PLCH1: variants seen among roughly 807,000 people sequenced by gnomAD.
The protein encoded by PLCH1 is 1-phosphatidylinositol 4,5-bisphosphate phosphodiesterase eta-1.
In PLCH1, 60 loss-of-function variants were observed where a neutral mutation model predicts 126.7. The ratio of observed to expected loss-of-function variants is 0.47; its 90% CI spans 0.38 to 0.59. The LOEUF (loss-of-function observed/expected upper bound fraction) is 0.59, where lower values mean the gene tolerates loss of function less well. PLCH1 is among the 20% of genes least tolerant of loss of function. The pLI is 0.00. For missense variants in PLCH1, 1,723 were observed against 2,040.0 expected (o/e 0.84, Z 2.99); for synonymous variants, 719 against 734.9 (o/e 0.98, Z 0.35).
intron 6 of PLCH1, among the ~76,000 whole-genome samples, chr3:155,576,483 G>A (rs533771465): frequency 1.3e-5 from 2 of 152,250 alleles, no homozygotes; most frequent in South Asian, 4.1e-4. Context: ...ACCTGTCAAA[G>A]GCATAAATTC....
chr3:155,506,427 G>T (rs1222456780), intron 12 of PLCH1, among the ~76,000 whole-genome samples: 3 of 144,328 alleles, frequency 2.1e-5, no homozygotes, highest in African/African-American at 2.6e-5. Context: ...ATGTATACAT[G>T]TGCCATGCTG....
intron 6 of PLCH1, among the ~76,000 whole-genome samples, chr3:155,572,543 C>T (rs1222461529): frequency 1.3e-5 from 2 of 152,098 alleles, no homozygotes; most frequent in South Asian, 2.1e-4. Flanking sequence ...GGTTGGCCCT[C>T]GTTTGGGTTT....
At chr3:155,626,638 G>A (rs1211861997) in intron 2 of PLCH1, among the ~76,000 whole-genome samples, 1 of 151,590 alleles carries the variant, frequency 6.6e-6, no homozygotes, top group Admixed American at 6.6e-5. Flanking sequence ...GCGTGGTGGT[G>A]GGCGCCTGTA....
At chr3:155,729,178 A>G (rs576944487) in intron 1 of PLCH1, among the ~76,000 whole-genome samples, 18 of 152,300 alleles carry the variant, frequency 1.2e-4, no homozygotes, top group East Asian at 1.2e-3. Context: ...AGTCTCCCCA[A>G]TTCATCTTAT....
chr3:155,461,283 G>A (rs751305430), intron 21 of PLCH1, among the ~76,000 whole-genome samples: 24 of 152,026 alleles, frequency 1.6e-4, no homozygotes, highest in Non-Finnish European at 3.4e-4. Flanking sequence ...TAATGATTAA[G>A]GGGCCTGCAA....
chr3:155,742,516 G>A (rs1201151266), intron 1 of PLCH1: 1 of 151,938 alleles, frequency 6.6e-6, no homozygotes, highest in Non-Finnish European at 1.5e-5. Context: ...GCCTCCCCCA[G>A]GTACTCCCAG....
In PLCH1 at chr3:155,506,345, CTTTTTTTT is replaced by C. The variant is rs57746252; in HGVS notation, c.1633-1727_1633-1720del. ...ACATTTTCTATCCCATTCTCACTCT[CTTTTTTTT>C]TTTTTTTTTTTATTATACTTTAAGT... is the stretch of plus-strand genomic sequence containing the variant. On this transcript the variant is annotated intron_variant, in intron 12 of 22. Transcript: ENST00000460012. Among the ~76,000 whole-genome samples, 19 of 130,680 alleles carry C rather than the reference CTTTTTTTT, an allele frequency of 1.5e-4. 1 individual carries two copies. Among genetic ancestry groups the C allele is most frequent in the African/African-American group, 5.3e-4 (18 of 34,112 alleles). The allele number at this position is 130,680 out of a possible 152,430, so 85.7% of individuals were successfully genotyped here. A position where few individuals can be genotyped will look rare whatever the true frequency, so the allele number is the denominator to read the frequency against.
intron 6 of PLCH1, among the ~76,000 whole-genome samples, chr3:155,571,112 T>A (rs1184015133): frequency 6.6e-6 from 1 of 152,150 alleles, no homozygotes; most frequent in Non-Finnish European, 1.5e-5. Context: ...TTCCTGTAAG[T>A]TTTTTAGCAA....
chr3:155,666,832 A>G (rs537320320), intron 2 of PLCH1, among the ~76,000 whole-genome samples: 2 of 152,112 alleles, frequency 1.3e-5, no homozygotes, highest in African/African-American at 4.8e-5. Context: ...GAAAAAATAT[A>G]AGTAGAAAAC....
intron 2 of PLCH1, among the ~76,000 whole-genome samples, chr3:155,608,544 GA>G (rs1734649962): frequency 6.6e-6 from 1 of 152,080 alleles, no homozygotes; most frequent in Admixed American, 6.6e-5. Flanking sequence ...CACTTCCCTA[GA>G]AACCAGCTCA....
intron 4 of PLCH1, among the ~76,000 whole-genome samples, chr3:155,588,059 C>T (rs359559): frequency 1.0e-3 from 157 of 152,030 alleles, no homozygotes; most frequent in Non-Finnish European, 1.9e-3. Context: ...CATTTCTATG[C>T]GATTCAAATT....
At chr3:155,486,522 T>TG (rs1338415683) in intron 21 of PLCH1, among the ~76,000 whole-genome samples, 7 of 145,630 alleles carry the variant, frequency 4.8e-5, no homozygotes, top group Non-Finnish European at 7.5e-5. Context: ...TGTTTTTTTT[T>TG]TTTTTTTTTT....
At chr3:155,594,301 G>A (rs895779835) in intron 3 of PLCH1, 117 bp from the exon 4 acceptor site, 11 of 970,110 alleles carry the variant, frequency 1.1e-5, no homozygotes, top group Middle Eastern at 6.6e-4. Flanking sequence ...ATGAGGCTGG[G>A]TGCTCACGCT....
rs1278661026 is a variant in PLCH1, at chr3:155,503,202, A to C, written c.1704+1353T>G. 2.0e-5 allele frequency among the ~76,000 whole-genome samples: 3 copies of C among 152,184 alleles called. No individual in the cohort carries two copies. The East Asian group carries it at 5.8e-4, about 29-fold the overall frequency. ...AAATAGAATATTATCTGTCCCCCAA[A>C]AGCCTTCTGATCCTCCAATTCTGTC... is the stretch of plus-strand genomic sequence containing the variant. On this transcript the variant is annotated intron_variant, in intron 13 of 22. Transcript: ENST00000460012.
At chr3:155,627,155 G>A (rs984514282) in intron 2 of PLCH1, among the ~76,000 whole-genome samples, 6 of 152,166 alleles carry the variant, frequency 3.9e-5, no homozygotes, top group African/African-American at 4.8e-5. Flanking sequence ...AATTAGCGAC[G>A]TTATTTGAAT....
chr3:155,729,391 G>T (rs1748585811), intron 1 of PLCH1, among the ~76,000 whole-genome samples: 1 of 152,118 alleles, frequency 6.6e-6, no homozygotes, highest in East Asian at 1.9e-4. Flanking sequence ...AGGGTAAGTG[G>T]GGGATCTGTG....
At chr3:155,512,744 T>C (rs975805083) in intron 12 of PLCH1, among the ~76,000 whole-genome samples, 1 of 152,214 alleles carries the variant, frequency 6.6e-6, no homozygotes, top group Non-Finnish European at 1.5e-5. Context: ...TCTTATGGGC[T>C]ATTATCTCTG....
chr3:155,546,647 G>C (rs926402405), intron 10 of PLCH1, among the ~76,000 whole-genome samples: 8 of 152,114 alleles, frequency 5.3e-5, no homozygotes, highest in East Asian at 1.9e-4. Flanking sequence ...TATACTACAA[G>C]GCTACAGTAA....
chr3:155,491,568 T>A (rs1432696863), intron 18 of PLCH1, among the ~76,000 whole-genome samples: 1 of 152,128 alleles, frequency 6.6e-6, no homozygotes, highest in Non-Finnish European at 1.5e-5. Context: ...TGGTCAGAAG[T>A]ATGTGTTCAA....
Sources: gnomAD v4.1 joint callset for allele counts (sites outside exome capture counted in the v4.1 genomes callset) on GRCh38, gnomAD v4.1.1 for gene constraint, MANE v1.5 for transcripts, NCBI Gene and HGNC (gene_info 2026-07-23, HGNC 2026-07-21) for gene names.